The following EVA1C variants were observed in gnomAD, a reference collection of about 807,000 sequenced individuals.
The protein encoded by EVA1C is eva-1 homolog C, also known as protein eva-1 homolog C.
In EVA1C, 25 loss-of-function variants were observed where a neutral mutation model predicts 45.4. The ratio of observed to expected loss-of-function variants is 0.55; its 90% confidence interval spans 0.40 to 0.77. The LOEUF (loss-of-function observed/expected upper bound fraction) is 0.77. EVA1C is among the 30% of genes least tolerant of loss of function. EVA1C has a pLI of 0.00. For synonymous variants in EVA1C, 190 were observed against 221.2 expected (o/e 0.86, Z 1.25); for missense variants, 479 against 554.8 (o/e 0.86, Z 1.37).
chr21:32,491,277 G>C (rs559658647), intron 4 of EVA1C, among the ~76,000 whole-genome samples: 30 of 152,296 alleles, frequency 2.0e-4, no homozygotes, highest in African/African-American at 7.2e-4. Context: ...CGGCTGTGAA[G>C]GAGCTAGGAA....
chr21:32,515,004 C>G lies in EVA1C; in HGVS notation c.1140C>G (p.Asp380Glu). Residue 380 changes from aspartate (D) to glutamate (E), a missense_variant, in exon 8 of 8, where the codon GAC becomes GAG. Asp to Glu is a conservative substitution (Grantham distance 45). Transcript: ENST00000300255. The stretch of plus-strand genomic sequence containing the variant: ...GCGAGGATGAAGAAGAGGAGGAGGA[C>G]CCCTCTGAGTCTGATTTCCCAGGGG... ...EDSEDEEEEE[D>E]PSESDFPGEL... 1 of 1,614,054 alleles carries G rather than the reference C, an allele frequency of 6.2e-7. No individual in the cohort carries two copies. The highest frequency in any genetic ancestry group is 1.3e-5 in the African/African-American group (1 of 75,028).
At chr21:32,465,337 G>C (rs1433236886) in intron 3 of EVA1C, among the ~76,000 whole-genome samples, 1 of 152,164 alleles carries the variant, frequency 6.6e-6, no homozygotes, top group Non-Finnish European at 1.5e-5. Context: ...GGGTGGAAGA[G>C]GTTCTCTCTG....
At chr21:32,484,037 T>C (rs1180296514) in intron 4 of EVA1C, among the ~76,000 whole-genome samples, 2 of 151,924 alleles carry the variant, frequency 1.3e-5, no homozygotes, top group Middle Eastern at 3.4e-3. Flanking sequence ...CTCAAGGGCA[T>C]TGACTTTCCA....
intron 7 of EVA1C, among the ~76,000 whole-genome samples, 157 bp downstream of exon 7, chr21:32,504,172 C>G (rs2037648896): frequency 6.6e-6 from 1 of 152,154 alleles, no homozygotes; most frequent in Admixed American, 6.6e-5. Context: ...AACACAGAGG[C>G]CTGAGTTCAG....
chr21:32,412,868 A>G lies in EVA1C; in HGVS notation c.15A>G (p.Gly5=), dbSNP rs1156698396. ...CGCAGCGCACGATGCTTCTGCCGGGACGCGCACGCCAACCGCCGACGCCCC... is the reference window on the plus strand; with the variant it reads ...CGCAGCGCACGATGCTTCTGCCGGGGCGCGCACGCCAACCGCCGACGCCCC... MLLP[G]RARQPPTPQP... Residue 5 remains glycine, a synonymous_variant, in exon 1 of 8, where the codon GGA becomes GGG. Coordinates refer to ENST00000300255, the MANE Select transcript of EVA1C (RefSeq NM_058187.5). 6.7e-7 allele frequency: 1 copy of G among 1,494,322 alleles called. No homozygotes were observed. Among genetic ancestry groups the G allele is most frequent in the Non-Finnish European group, 8.9e-7 (1 of 1,128,008 alleles). 92.6% of individuals were successfully genotyped at this position (1,494,322 alleles called of 1,614,324 possible). A position where few individuals can be genotyped will look rare whatever the true frequency, so the allele number is the denominator to read the frequency against.
At chr21:32,450,171 G>A (rs1044585868) in intron 1 of EVA1C, among the ~76,000 whole-genome samples, 5 of 152,210 alleles carry the variant, frequency 3.3e-5, no homozygotes, top group South Asian at 2.1e-4. Context: ...TGCACCGCAC[G>A]TACAGGTCTT....
At chr21:32,480,971 A>AT (rs1555870449) in intron 4 of EVA1C, among the ~76,000 whole-genome samples, 39 of 151,728 alleles carry the variant, frequency 2.6e-4, no homozygotes, top group African/African-American at 8.7e-4. Flanking sequence ...CAAAAAAAAA[A>AT]AAATAAATAA....
chr21:32,438,551 C>A (rs1487564988), intron 1 of EVA1C, among the ~76,000 whole-genome samples: 1 of 150,378 alleles, frequency 6.6e-6, no homozygotes, highest in African/African-American at 2.5e-5. Flanking sequence ...GGTATAAGAG[C>A]TGAAAGCAAA....
At chr21:32,494,918 A>C in intron 4 of EVA1C, 109 bp from the exon 5 acceptor site, 1 of 1,182,868 alleles carries the variant, frequency 8.5e-7, no homozygotes, top group Non-Finnish European at 1.2e-6. Flanking sequence ...GAAACTCTCC[A>C]TTTGATTTGA....
At chr21:32,427,988 A>C (rs544926320) in intron 1 of EVA1C, among the ~76,000 whole-genome samples, 1 of 152,148 alleles carries the variant, frequency 6.6e-6, no homozygotes, top group South Asian at 2.1e-4. Flanking sequence ...CTTTATGTAG[A>C]GTGCACAGTT....
intron 5 of EVA1C, chr21:32,496,818 T>C (rs2037366923): frequency 3.7e-6 from 3 of 813,752 alleles, no homozygotes; most frequent in Admixed American, 1.7e-5. Context: ...CGGAGTATAT[T>C]CTAGTGAAAG....
At chr21:32,488,644 G>T (rs1161327927) in intron 4 of EVA1C, among the ~76,000 whole-genome samples, 2 of 150,970 alleles carry the variant, frequency 1.3e-5, no homozygotes, top group Admixed American at 6.7e-5. Flanking sequence ...GGAGTGCAGT[G>T]GTGCAATCTC....
rs187253730 is a variant in EVA1C, at chr21:32,490,201, G to A, written c.635-4826G>A. Among the ~76,000 whole-genome samples the A allele has an allele frequency of 6.1e-3, 922 of 151,756 alleles. 10 individuals are homozygous for A. The highest frequency in any genetic ancestry group is 0.021 in the African/African-American group (885 of 41,360). On this transcript the variant is annotated intron_variant, in intron 4 of 7. Transcript: ENST00000300255. ...CCAGAATTTTTTCATCTTGACAATC[G>A]CAACTCAAAACCCATAAAACAACTC...
intron 7 of EVA1C, among the ~76,000 whole-genome samples, chr21:32,511,823 A>G (rs2037964662): frequency 6.6e-6 from 1 of 152,198 alleles, no homozygotes; most frequent in Non-Finnish European, 1.5e-5. Context: ...AAACGCTTGC[A>G]GGTGTTGACC....
intron 1 of EVA1C, among the ~76,000 whole-genome samples, chr21:32,446,506 A>G (rs1308559772): frequency 6.6e-6 from 1 of 152,202 alleles, no homozygotes; most frequent in Non-Finnish European, 1.5e-5. Flanking sequence ...CTGCATTAGT[A>G]GTTGTTCTTT....
At chr21:32,486,212 T>C (rs1386594729) in intron 4 of EVA1C, among the ~76,000 whole-genome samples, 2 of 152,132 alleles carry the variant, frequency 1.3e-5, no homozygotes, top group Non-Finnish European at 2.9e-5. Flanking sequence ...CAACCTCCAC[T>C]TCCCAGGTTC....
At chr21:32,457,573 C>T (rs1568904702) in intron 2 of EVA1C, 24 bp from the exon 3 acceptor site, 1 of 1,613,880 alleles carries the variant, frequency 6.2e-7, no homozygotes, top group Admixed American at 1.7e-5. Flanking sequence ...TCAAGCCTGT[C>T]CCTTTTCTAC....
intron 4 of EVA1C, among the ~76,000 whole-genome samples, chr21:32,470,396 G>T (rs940195573): frequency 6.6e-6 from 1 of 152,220 alleles, no homozygotes; most frequent in Non-Finnish European, 1.5e-5. Flanking sequence ...AAGCAGGCTG[G>T]TGTGGGCATA....
At position 32,456,791 on chromosome 21, in the gene EVA1C, C is replaced by T. The variant is rs866013193; in HGVS notation, c.358-806C>T. Among the ~76,000 whole-genome samples, 11 of 152,202 alleles carry T rather than the reference C, an allele frequency of 7.2e-5. 1 individual carries two copies. The South Asian group carries it at 2.3e-3, about 32-fold the overall frequency. On this transcript the variant is annotated intron_variant, in intron 2 of 7. Coordinates refer to ENST00000300255, the MANE Select transcript of EVA1C (RefSeq NM_058187.5). The stretch of plus-strand genomic sequence containing the variant: ...AAGCAGGACTTGTTCCATTTGGGAA[C>T]GAGGACCTAGAGAACAGCAGCAAAA...
Sources: allele counts gnomAD v4.1 joint callset (sites outside exome capture counted in the v4.1 genomes callset), GRCh38; gene constraint gnomAD v4.1.1; transcripts MANE v1.5; gene names NCBI Gene and HGNC (gene_info 2026-07-23, HGNC 2026-07-21).